The following CPAMD8 variants were observed in gnomAD, a reference collection of about 807,000 sequenced individuals.
The protein encoded by CPAMD8 is C3 and PZP-like alpha-2-macroglobulin domain-containing protein 8.
A neutral mutation model predicts 224.7 loss-of-function variants in CPAMD8; 146 were observed. The ratio of observed to expected loss-of-function variants is 0.65; its 90% CI spans 0.57 to 0.75. The LOEUF is 0.75. Among genes scored for constraint, CPAMD8 ranks in the 30% least tolerant of loss-of-function variants. The pLI is 0.00. For missense variants in CPAMD8, 2,301 were observed against 2,537.5 expected (o/e 0.91, Z 2.00); for synonymous variants, 966 against 1,044.6 (o/e 0.92, Z 1.45).
In CPAMD8 at chr19:16,977,512, G is replaced by A. The variant is rs367861617; in HGVS notation, c.1614C>T (p.Val538=). 62 of 1,601,152 alleles carry A rather than the reference G, an allele frequency of 3.9e-5. No homozygotes were observed. In the Admixed American group the frequency reaches 4.8e-4, roughly 12 times the overall value. The change falls in exon 15 of 42, where the codon GTC becomes GTT. Residue 538 remains valine, a synonymous_variant. Transcript: ENST00000443236. ...GATGAAGAGAGGTCACACACACGTC[G>A]ACCTCAGCTTCTGGGGCTGGTGGGG... ...TEPPPAPEAE[V]DVCVTSLHLA...
intron 3 of CPAMD8, among the ~76,000 whole-genome samples, chr19:17,012,181 G>A (rs1460073713): frequency 1.3e-5 from 2 of 151,884 alleles, no homozygotes; most frequent in Non-Finnish European, 2.9e-5. Flanking sequence ...ACCATGCCTG[G>A]CTAATTTTTA....
chr19:16,970,754 A>G (rs916292525), intron 18 of CPAMD8, 137 bp downstream of exon 18: 2 of 809,822 alleles, frequency 2.5e-6, no homozygotes, highest in African/African-American at 3.5e-5. Context: ...CCCAAGAACC[A>G]TGTGAAATAA....
At chr19:17,013,705 A>G (rs896094219) in intron 3 of CPAMD8, among the ~76,000 whole-genome samples, 2 of 151,662 alleles carry the variant, frequency 1.3e-5, no homozygotes, top group Non-Finnish European at 2.9e-5. Context: ...GGGGATAAAA[A>G]TGTTCTGGAA....
chr19:16,970,068 A>G (rs1390609740), intron 18 of CPAMD8, among the ~76,000 whole-genome samples: 1 of 148,640 alleles, frequency 6.7e-6, no homozygotes, highest in Admixed American at 6.7e-5. Flanking sequence ...CCCCGTCTCT[A>G]CTAAAAATAC....
At chr19:16,957,768 C>A in intron 19 of CPAMD8, 85 bp downstream of exon 19, 3 of 1,261,012 alleles carry the variant, frequency 2.4e-6, no homozygotes, top group Non-Finnish European at 3.5e-6. Flanking sequence ...TCAGGCCTGC[C>A]CATCTCACCG....
In CPAMD8 at chr19:17,000,708, C is replaced by T. The variant is rs557669616; in HGVS notation, c.759-186G>A. Among the ~76,000 whole-genome samples the T allele has an allele frequency of 3.3e-5, 5 of 152,240 alleles. No individual in the cohort carries two copies. In the East Asian group the frequency reaches 9.7e-4, roughly 29 times the overall value. Reference sequence around the variant, plus strand: ...GGAATCGGGACAGAAGATGCCAAGGCCCTCCGATCCTCTGCACCAAGCCTC... The same window carrying T: ...GGAATCGGGACAGAAGATGCCAAGGTCCTCCGATCCTCTGCACCAAGCCTC... On this transcript the variant is annotated intron_variant, in intron 9 of 41. Coordinates refer to ENST00000443236, the MANE Select transcript of CPAMD8 (RefSeq NM_015692.5).
In CPAMD8 at chr19:16,941,692, C is replaced by T. The variant is rs769995788; in HGVS notation, c.2794-3246G>A. Among the ~76,000 whole-genome samples, 11 of 151,948 alleles carry T rather than the reference C, an allele frequency of 7.2e-5. No individual in the cohort carries two copies. In the Middle Eastern group the frequency reaches 0.01, roughly 141 times the overall value. On this transcript the variant is annotated intron_variant, in intron 22 of 41. Transcript: ENST00000443236. ...GATCTGGTTGTTTGAAACTGTGAAG[C>T]GGCTGGGCACGGTGGCTCACGCCTG...
chr19:16,941,012 C>T (rs2122177952), intron 22 of CPAMD8, among the ~76,000 whole-genome samples: 1 of 152,338 alleles, frequency 6.6e-6, no homozygotes, highest in African/African-American at 2.4e-5. Flanking sequence ...CTCACTGCAA[C>T]CTCTGCCTCC....
Position 16,896,583 on chromosome 19 carries a change from G to A in CPAMD8, c.5148C>T (p.Cys1716=). The change falls in exon 40 of 42, where the codon TGC becomes TGT. Residue 1716 remains cysteine (C), a synonymous_variant. Coordinates refer to ENST00000443236, the MANE Select transcript of CPAMD8 (RefSeq NM_015692.5). The part of the protein sequence containing the change: ...AIARCGCDHD[C]GAQGNPVCGS... ...CGCACACCGGGTTCCCCTGGGCGCC[G>A]CAGTCGTGGTCGCAGCCGCATCGCG... The A allele has an allele frequency of 6.6e-7, 1 of 1,512,008 alleles. No homozygotes were observed. Among genetic ancestry groups the A allele is most frequent in the South Asian group, 1.2e-5 (1 of 81,110 alleles). 93.7% of individuals were successfully genotyped at this position (1,512,008 alleles called of 1,614,324 possible).
chr19:16,972,593 C>T (rs1374301190), intron 17 of CPAMD8, among the ~76,000 whole-genome samples: 1 of 152,126 alleles, frequency 6.6e-6, no homozygotes, highest in African/African-American at 2.4e-5. Context: ...CGCCACCACG[C>T]CCGGCTAATT....
intron 22 of CPAMD8, among the ~76,000 whole-genome samples, chr19:16,940,227 T>A (rs938653523): frequency 6.6e-6 from 1 of 152,202 alleles, no homozygotes; most frequent in Non-Finnish European, 1.5e-5. Context: ...GGTCTCTATC[T>A]TGCAGAGGGC....
At chr19:16,996,686 G>A (rs2056133428) in intron 11 of CPAMD8, among the ~76,000 whole-genome samples, 1 of 152,042 alleles carries the variant, frequency 6.6e-6, no homozygotes, top group African/African-American at 2.4e-5. Flanking sequence ...GGGCTTGGTA[G>A]TATGTTCCTG....
rs73016332 is a variant in CPAMD8, at chr19:16,967,892, T to C, written c.2213+2999A>G. Among the ~76,000 whole-genome samples the C allele has an allele frequency of 8.7e-4, 43 of 49,476 alleles. 2 individuals carry two copies. Among genetic ancestry groups the C allele is most frequent in the African/African-American group, 4.4e-3 (33 of 7,434 alleles). The allele number at this position is 49,476 out of a possible 152,430, so 32.5% of individuals were successfully genotyped here. On this transcript the variant is annotated intron_variant, in intron 18 of 41. Coordinates refer to ENST00000443236, the MANE Select transcript of CPAMD8 (RefSeq NM_015692.5). Reference sequence around the variant, plus strand: ...ATATATGTGCATATATACACACACATGTGTGTGTATATATGTGCATATATA... The same window carrying C: ...ATATATGTGCATATATACACACACACGTGTGTGTATATATGTGCATATATA...
chr19:16,914,938 G>C (rs958329427), intron 27 of CPAMD8, 125 bp from the exon 28 acceptor site: 2 of 687,946 alleles, frequency 2.9e-6, no homozygotes, highest in Admixed American at 2.8e-5. Context: ...TAAGATGGGA[G>C]GGGTCCCATC....
In CPAMD8 at chr19:16,980,015, C is replaced by T. The variant is rs150301701; in HGVS notation, c.1585+482G>A. Among the ~76,000 whole-genome samples the T allele has an allele frequency of 2.1e-4, 32 of 152,232 alleles. 1 individual carries two copies. The highest frequency in any genetic ancestry group is 3.2e-4 in the Non-Finnish European group (22 of 68,020). On this transcript the variant is annotated intron_variant, in intron 14 of 41. Transcript: ENST00000443236. ...GCTCAGCACCCTACAGTGCACAGGA[C>T]GCCCCCACTCTGGAGTGATCCACCC...
At chr19:16,922,932 C>T (rs910828805) in intron 26 of CPAMD8, among the ~76,000 whole-genome samples, 21 of 152,260 alleles carry the variant, frequency 1.4e-4, no homozygotes, top group African/African-American at 4.8e-4. Context: ...GACATTGCCC[C>T]TTCGTGACTA....
chr19:17,015,663 C>A (rs542642616), intron 3 of CPAMD8, among the ~76,000 whole-genome samples: 1 of 152,188 alleles, frequency 6.6e-6, no homozygotes, highest in Non-Finnish European at 1.5e-5. Flanking sequence ...ACTCCAATCC[C>A]AAAATCCTCA....
chr19:16,932,150 C>T (rs2053564343), intron 23 of CPAMD8, among the ~76,000 whole-genome samples: 1 of 152,136 alleles, frequency 6.6e-6, no homozygotes, highest in Non-Finnish European at 1.5e-5. Context: ...ATGACATTAG[C>T]TGAGTGTGGT....
Position 16,975,235 on chromosome 19 carries a change from A to G in CPAMD8, c.1932T>C (p.Tyr644=), listed in dbSNP as rs374191867. ...ACACGCCAAAGGAATCAGAAACATC[A>G]TAATCTTCCAGTTCCTGGAAAACCT... ...PAQVFQELED[Y]DVSDSFGVSR... The change falls in exon 17 of 42, where the codon TAT becomes TAC. Residue 644 remains tyrosine, a synonymous_variant. Coordinates refer to ENST00000443236, the MANE Select transcript of CPAMD8 (RefSeq NM_015692.5). 120 of 1,606,832 alleles carry G rather than the reference A, an allele frequency of 7.5e-5. No homozygotes were observed. Among genetic ancestry groups the G allele is most frequent in the Non-Finnish European group, 1.0e-4 (118 of 1,176,438 alleles).
Sources: gnomAD v4.1 joint callset for allele counts (sites outside exome capture counted in the v4.1 genomes callset) on GRCh38, gnomAD v4.1.1 for gene constraint, MANE v1.5 for transcripts, NCBI Gene and HGNC (gene_info 2026-07-23, HGNC 2026-07-21) for gene names.